Variants in NKAIN1 observed in about 807,000 individuals in gnomAD.
NKAIN1 encodes sodium/potassium-transporting ATPase subunit beta-1-interacting protein 1.
Under a neutral mutation model 31.6 loss-of-function variants are expected in NKAIN1, and 13 were observed. The ratio of observed to expected loss-of-function variants is 0.41; its 90% CI spans 0.27 to 0.65. The LOEUF (loss-of-function observed/expected upper bound fraction) is 0.65. Among genes scored for constraint, NKAIN1 ranks in the 30% least tolerant of loss-of-function variants. The probability of loss-of-function intolerance (pLI) is 0.30; values close to 1 mark genes in which losing one functional copy is unlikely to be tolerated. For synonymous variants in NKAIN1, 104 were observed against 109.0 expected, an observed-to-expected ratio of 0.95 and a Z score of 0.28; for missense variants, 193 against 262.2, an observed-to-expected ratio of 0.74 and a Z score of 1.82.
intron 1 of NKAIN1, among the ~76,000 whole-genome samples, chr1:31,214,098 T>C (rs1467659221): frequency 6.6e-6 from 1 of 151,908 alleles, no homozygotes; most frequent in African/African-American, 2.4e-5. Flanking sequence ...TATTAAGCCA[T>C]AAGAAAGAAT....
At chr1:31,191,893 C>T (rs1160892648) in intron 1 of NKAIN1, among the ~76,000 whole-genome samples, 1 of 152,190 alleles carries the variant, frequency 6.6e-6, no homozygotes, top group East Asian at 1.9e-4. Context: ...CCTCCTGCCT[C>T]ACCTCCTTAG....
chr1:31,231,911 C>T (rs1645652727), intron 1 of NKAIN1, among the ~76,000 whole-genome samples: 1 of 138,490 alleles, frequency 7.2e-6, no homozygotes, highest in South Asian at 2.3e-4. Context: ...CTGGAACTAG[C>T]TTTTTTTTTT....
intron 1 of NKAIN1, among the ~76,000 whole-genome samples, chr1:31,200,004 C>A (rs1296980180): frequency 8.8e-6 from 1 of 113,400 alleles, no homozygotes; most frequent in Non-Finnish European, 2.0e-5. Context: ...CACACACACG[C>A]ACACACATGC....
rs1336684151 is a variant in NKAIN1, at chr1:31,188,168, T to G, written c.74A>C (p.Gln25Pro). 1 of 1,551,482 alleles carries G rather than the reference T, an allele frequency of 6.4e-7. No homozygotes were observed. Among genetic ancestry groups the G allele is most frequent in the Non-Finnish European group, 8.7e-7 (1 of 1,146,942 alleles). Reference sequence around the variant, plus strand: ...CTGGTAGCCCAGGAAGTCAAAGATCTGCCGCTCCAGCGCAGCCACCTGTGG... The same window carrying G: ...CTGGTAGCCCAGGAAGTCAAAGATCGGCCGCTCCAGCGCAGCCACCTGTGG... ...CLQLVAALER[Q>P]IFDFLGYQWA... is the part of the protein sequence containing the mutation. The change falls in exon 2 of 7, where the codon CAG becomes CCG. Residue 25 changes from glutamine (Q) to proline (P), a missense_variant. Coordinates refer to ENST00000373736, the MANE Select transcript of NKAIN1 (RefSeq NM_024522.3).
intron 1 of NKAIN1, among the ~76,000 whole-genome samples, chr1:31,200,513 A>C (rs1645372448): frequency 7.2e-6 from 1 of 139,374 alleles, no homozygotes. Flanking sequence ...GCTGGAGTGC[A>C]GTGGCATGAT....
At chr1:31,209,238 G>T (rs1304448531) in intron 1 of NKAIN1, among the ~76,000 whole-genome samples, 2 of 152,192 alleles carry the variant, frequency 1.3e-5, no homozygotes, top group Non-Finnish European at 2.9e-5. Context: ...AGCTGGGCTT[G>T]GTGGTGGGCA....
Position 31,180,768 on chromosome 1 carries a change from G to A in NKAIN1, c.*935C>T, listed in dbSNP as rs910501267. 1.3e-5 allele frequency: 2 copies of A among 152,382 alleles called. No individual in the cohort carries two copies. The highest frequency in any genetic ancestry group is 4.8e-5 in the African/African-American group (2 of 41,430). 9.4% of individuals were successfully genotyped at this position (152,382 alleles called of 1,614,324 possible). Reference sequence around the variant, plus strand: ...GAAAGATTTGCCAAGGGTGGACAGAGGCTGAGTGTAGGAAGGCTTCTCTGT... The same window carrying A: ...GAAAGATTTGCCAAGGGTGGACAGAAGCTGAGTGTAGGAAGGCTTCTCTGT... On this transcript the variant is annotated 3_prime_UTR_variant, in exon 7 of 7. Coordinates refer to ENST00000373736, the MANE Select transcript of NKAIN1 (RefSeq NM_024522.3).
chr1:31,234,389 A>G (rs1355172991), intron 1 of NKAIN1, among the ~76,000 whole-genome samples: 1 of 151,732 alleles, frequency 6.6e-6, no homozygotes, highest in Admixed American at 6.6e-5. Flanking sequence ...AACGACATCA[A>G]TCAGGTTGAC....
At chr1:31,185,585 A>G (rs898734477) in intron 2 of NKAIN1, among the ~76,000 whole-genome samples, 1 of 152,196 alleles carries the variant, frequency 6.6e-6, no homozygotes, top group Non-Finnish European at 1.5e-5. Flanking sequence ...AAGATCACAC[A>G]GCTAGGAGGA....
At chr1:31,199,817 C>T (rs1232622371) in intron 1 of NKAIN1, among the ~76,000 whole-genome samples, 4 of 152,140 alleles carry the variant, frequency 2.6e-5, no homozygotes, top group African/African-American at 9.7e-5. Context: ...TACAATGTGC[C>T]GGGCCCTGGA....
intron 1 of NKAIN1, among the ~76,000 whole-genome samples, chr1:31,204,789 T>A (rs1406132439): frequency 1.3e-5 from 2 of 152,082 alleles, no homozygotes; most frequent in East Asian, 3.9e-4. Flanking sequence ...TAGAGAGAAT[T>A]AATTAAGGCA....
chr1:31,208,641 G>GGTGT (rs148179544), intron 1 of NKAIN1, among the ~76,000 whole-genome samples: 3 of 150,698 alleles, frequency 2.0e-5, no homozygotes, highest in East Asian at 3.9e-4. Flanking sequence ...GGGGGAGGGG[G>GGTGT]CCCTGGAAAC....
chr1:31,184,078 G>T, intron 3 of NKAIN1, 64 bp from the exon 4 acceptor site: 4 of 1,407,360 alleles, frequency 2.8e-6, no homozygotes, highest in Non-Finnish European at 4.0e-6. Flanking sequence ...TACTCCCCCA[G>T]CCCAGGAAGA....
rs1222174552 is a variant in NKAIN1, at chr1:31,194,387, CT to C, written c.55-6201del. On this transcript the variant is annotated intron_variant, in intron 1 of 6. Coordinates refer to ENST00000373736, the MANE Select transcript of NKAIN1 (RefSeq NM_024522.3). ...TTCCCTTCCCTTCCCTTTTTCTTTC[CT>C]TTTTTTTCTTTCCTTCCTTCCTTCC... Among the ~76,000 whole-genome samples, 24 of 149,128 alleles carry C rather than the reference CT, an allele frequency of 1.6e-4. No homozygotes were observed. In the East Asian group the frequency reaches 3.9e-3, roughly 24 times the overall value.
chr1:31,223,500 A>C (rs1645579635), intron 1 of NKAIN1, among the ~76,000 whole-genome samples: 1 of 151,866 alleles, frequency 6.6e-6, no homozygotes, highest in African/African-American at 2.4e-5. Flanking sequence ...GATGGAGTGC[A>C]GTGGCGCGAT....
intron 1 of NKAIN1, among the ~76,000 whole-genome samples, chr1:31,204,426 A>C (rs757388547): frequency 1.1e-4 from 16 of 152,102 alleles, no homozygotes; most frequent in Non-Finnish European, 2.1e-4. Context: ...TCTTCTTGTC[A>C]ATTCCTACTC....
At chr1:31,205,543 G>A (rs1010145398) in intron 1 of NKAIN1, among the ~76,000 whole-genome samples, 3 of 151,260 alleles carry the variant, frequency 2.0e-5, no homozygotes, top group African/African-American at 7.3e-5. Flanking sequence ...TGCTGACCTC[G>A]TGATCTGCCC....
intron 1 of NKAIN1, among the ~76,000 whole-genome samples, chr1:31,235,839 T>C (rs748448837): frequency 2.6e-5 from 4 of 152,074 alleles, no homozygotes; most frequent in Middle Eastern, 3.2e-3. Context: ...TCCAGGTCTT[T>C]TGCCTCTCAG....
intron 1 of NKAIN1, among the ~76,000 whole-genome samples, chr1:31,237,807 CT>C (rs1645703236): frequency 6.6e-6 from 1 of 151,984 alleles, no homozygotes; most frequent in Non-Finnish European, 1.5e-5. Flanking sequence ...AGAAAACTTA[CT>C]TTTTATTTAT....
Sources: allele counts gnomAD v4.1 joint callset (sites outside exome capture counted in the v4.1 genomes callset), GRCh38; gene constraint gnomAD v4.1.1; transcripts MANE v1.5; gene names NCBI Gene and HGNC (gene_info 2026-07-23, HGNC 2026-07-21).